ERBB4: variants seen among roughly 807,000 people sequenced by gnomAD.
The protein encoded by ERBB4 is erb-b2 receptor tyrosine kinase 4, also known as receptor tyrosine-protein kinase erbB-4.
ERBB4 carries 42 observed loss-of-function variants against 158.0 expected under a neutral mutation model. The ratio of observed to expected loss-of-function variants is 0.27; its 90% confidence interval spans 0.21 to 0.34. ERBB4 has a LOEUF of 0.34. ERBB4 is among the 10% of genes least tolerant of loss of function. The pLI is 1.00. For synonymous variants in ERBB4, 583 were observed against 558.7 expected (o/e 1.04, Z -0.61); for missense variants, 1,333 against 1,624.1 (o/e 0.82, Z 3.08).
At chr2:212,294,145 G>T (rs898221428) in intron 1 of ERBB4, among the ~76,000 whole-genome samples, 1 of 151,890 alleles carries the variant, frequency 6.6e-6, no homozygotes, top group African/African-American at 2.4e-5. Flanking sequence ...TACCATTTCT[G>T]TTCTACTTTT....
intron 1 of ERBB4, among the ~76,000 whole-genome samples, chr2:212,454,899 T>G (rs1321105739): frequency 6.6e-6 from 1 of 152,126 alleles, no homozygotes; most frequent in East Asian, 1.9e-4. Flanking sequence ...CTTCTTTTAA[T>G]AAAACTCAGG....
intron 1 of ERBB4, among the ~76,000 whole-genome samples, chr2:212,492,806 G>T (rs190822716): frequency 6.6e-6 from 1 of 151,270 alleles, no homozygotes; most frequent in Non-Finnish European, 1.5e-5. Context: ...ATGTTTCTTT[G>T]GCAGAAAGAA....
intron 1 of ERBB4, among the ~76,000 whole-genome samples, chr2:212,462,234 C>T (rs1010680888): frequency 1.3e-5 from 2 of 152,018 alleles, no homozygotes; most frequent in African/African-American, 4.8e-5. Context: ...AAAGCAGAGG[C>T]AACAAAAGCA....
intron 26 of ERBB4, among the ~76,000 whole-genome samples, chr2:211,387,531 A>G (rs866717057): frequency 9.8e-5 from 15 of 152,328 alleles, no homozygotes; most frequent in Middle Eastern, 3.4e-3. Context: ...ATAGAAGTAC[A>G]TGGATATATT....
chr2:211,672,894 T>C (rs2071896650), intron 14 of ERBB4, among the ~76,000 whole-genome samples: 1 of 152,216 alleles, frequency 6.6e-6, no homozygotes, highest in African/African-American at 2.4e-5. Flanking sequence ...TATTCTTTTC[T>C]ATACTGTGCA....
At chr2:212,274,848 G>A (rs186211606) in intron 1 of ERBB4, among the ~76,000 whole-genome samples, 65 of 151,688 alleles carry the variant, frequency 4.3e-4, no homozygotes, top group African/African-American at 1.4e-3. Context: ...AGGTATACAC[G>A]TGTCATGGTG....
chr2:211,924,478 A>T (rs1180457504), intron 3 of ERBB4, among the ~76,000 whole-genome samples: 1 of 152,178 alleles, frequency 6.6e-6, no homozygotes, highest in Non-Finnish European at 1.5e-5. Flanking sequence ...AAAAATAAAA[A>T]AAAATAAAAG....
At chr2:211,863,453 C>T (rs1288772676) in intron 3 of ERBB4, among the ~76,000 whole-genome samples, 5 of 152,206 alleles carry the variant, frequency 3.3e-5, no homozygotes, top group Non-Finnish European at 7.3e-5. Context: ...CTATTGCTCA[C>T]TTTTTGTGTC....
At chr2:211,476,979 G>C (rs2064969990) in intron 20 of ERBB4, among the ~76,000 whole-genome samples, 1 of 152,082 alleles carries the variant, frequency 6.6e-6, no homozygotes. Flanking sequence ...GTGTCAACTT[G>C]GCTGGGCCAT....
At position 211,909,764 on chromosome 2, in the gene ERBB4, ATG is replaced by A. The variant is rs573009216; in HGVS notation, c.421+37664_421+37665del. ...TGTGTGTTTGTGTGTATGTAGGTTTATGTGTGTGTGTACACTCATTACTTTTC... is the reference window on the plus strand; with the variant it reads ...TGTGTGTTTGTGTGTATGTAGGTTTATGTGTGTGTACACTCATTACTTTTC... On this transcript the variant is annotated intron_variant, in intron 3 of 27. Transcript: ENST00000342788. Among the ~76,000 whole-genome samples, 8 of 151,706 alleles carry A rather than the reference ATG, an allele frequency of 5.3e-5. 1 individual carries two copies. The highest frequency in any genetic ancestry group is 1.2e-4 in the Non-Finnish European group (8 of 67,974).
At chr2:211,508,014 C>T (rs1305264542) in intron 20 of ERBB4, among the ~76,000 whole-genome samples, 1 of 152,000 alleles carries the variant, frequency 6.6e-6, no homozygotes, top group African/African-American at 2.4e-5. Flanking sequence ...AATGTAAAAC[C>T]CTAAATCATA....
chr2:212,180,547 A>G (rs2081826540), intron 1 of ERBB4, among the ~76,000 whole-genome samples: 1 of 151,668 alleles, frequency 6.6e-6, no homozygotes. Flanking sequence ...TCACCCCATT[A>G]CAGATTTCTT....
chr2:211,589,574 A>T (rs866731574), intron 19 of ERBB4, among the ~76,000 whole-genome samples: 17 of 152,304 alleles, frequency 1.1e-4, no homozygotes, highest in Middle Eastern at 3.4e-3. Context: ...AAATGTTTTC[A>T]ATCAGTTCCA....
chr2:211,505,447 T>A (rs62178818), intron 20 of ERBB4, among the ~76,000 whole-genome samples: 2 of 151,562 alleles, frequency 1.3e-5, no homozygotes, highest in African/African-American at 4.9e-5. Context: ...CAACAACTTA[T>A]GTTCAAAGGA....
intron 7 of ERBB4, among the ~76,000 whole-genome samples, chr2:211,720,550 T>C (rs1298700425): frequency 6.6e-6 from 1 of 152,222 alleles, no homozygotes; most frequent in Non-Finnish European, 1.5e-5. Flanking sequence ...ATATTTACAG[T>C]TCTCTTCAAC....
At chr2:211,409,643 T>TAAGA (rs2063217650) in intron 25 of ERBB4, among the ~76,000 whole-genome samples, 1 of 152,132 alleles carries the variant, frequency 6.6e-6, no homozygotes, top group Admixed American at 6.5e-5. Context: ...GTGCTCCCAG[T>TAAGA]AAGATCCTTT....
chr2:211,585,938 T>C (rs992957809), intron 19 of ERBB4, among the ~76,000 whole-genome samples: 4 of 152,184 alleles, frequency 2.6e-5, no homozygotes, highest in Admixed American at 1.3e-4. Flanking sequence ...GTTACTGAGA[T>C]TGGGATTATC....
intron 19 of ERBB4, among the ~76,000 whole-genome samples, chr2:211,585,757 G>A (rs1029892802): frequency 1.3e-5 from 2 of 151,924 alleles, no homozygotes; most frequent in African/African-American, 4.8e-5. Context: ...GTAAAGCATA[G>A]GTACCTATTA....
At position 211,422,103 on chromosome 2, in the gene ERBB4, A is replaced by G. The variant is rs2063525516; in HGVS notation, c.2868T>C (p.Cys956=). The G allele has an allele frequency of 6.3e-7, 1 of 1,597,612 alleles. No homozygotes were observed. Among genetic ancestry groups the G allele is most frequent in the African/African-American group, 1.3e-5 (1 of 74,502 alleles). The change falls in exon 24 of 28, where the codon TGT becomes TGC. Residue 956 remains cysteine, a splice_region_variant and synonymous_variant. Coordinates refer to ENST00000342788, the MANE Select transcript of ERBB4 (RefSeq NM_005235.3). ...GTCTACTGTCAGCATCAATCATCCA[A>G]CCTGGAAATTTACACAGTGAAAATG... is the stretch of plus-strand genomic sequence containing the variant. The part of the protein sequence containing the change: ...TIDVYMVMVK[C]WMIDADSRPK...
Sources: allele counts gnomAD v4.1 joint callset (sites outside exome capture counted in the v4.1 genomes callset), GRCh38; gene constraint gnomAD v4.1.1; transcripts MANE v1.5; gene names NCBI Gene and HGNC (gene_info 2026-07-23, HGNC 2026-07-21).